The following CSGALNACT1 variants were observed in gnomAD, a reference collection of about 807,000 sequenced individuals.
The protein encoded by CSGALNACT1 is beta4GalNAcT-1.
CSGALNACT1 carries 52 observed loss-of-function variants against 51.0 expected under a neutral mutation model. The observed-to-expected ratio is 1.02, with a 90% CI of 0.82 to 1.29. The LOEUF is 1.29. CSGALNACT1 is among the 50% of genes most tolerant of loss of function. The pLI, the probability that CSGALNACT1 is intolerant of heterozygous loss-of-function variation, is 0.00. For synonymous variants in CSGALNACT1, 341 were observed against 254.4 expected (o/e 1.34, Z -3.24); for missense variants, 935 against 679.2 (o/e 1.38, Z -4.19).
intron 3 of CSGALNACT1, among the ~76,000 whole-genome samples, chr8:19,566,674 T>C (rs76085313): frequency 0.034 from 5,171 of 152,300 alleles, 138 homozygotes; most frequent in Admixed American, 0.05. Context: ...AACAAGGTGC[T>C]CCATTCTTGT....
At chr8:19,630,150 A>G (rs1190996588) in intron 1 of CSGALNACT1, among the ~76,000 whole-genome samples, 1 of 151,560 alleles carries the variant, frequency 6.6e-6, no homozygotes, top group Non-Finnish European at 1.5e-5. Flanking sequence ...GGGTAGCCAC[A>G]GTTAGGTTGC....
intron 6 of CSGALNACT1, among the ~76,000 whole-genome samples, chr8:19,439,123 C>T (rs2060882288): frequency 1.3e-5 from 2 of 152,352 alleles, no homozygotes; most frequent in South Asian, 2.1e-4. Flanking sequence ...TTCTGGCTTA[C>T]ATACTGGTAG....
At chr8:19,484,975 GA>G (rs1563666861) in intron 4 of CSGALNACT1, among the ~76,000 whole-genome samples, 3 of 152,034 alleles carry the variant, frequency 2.0e-5, no homozygotes, top group African/African-American at 7.2e-5. Flanking sequence ...AGAGCCCTCC[GA>G]AAAAACCAGA....
intron 3 of CSGALNACT1, among the ~76,000 whole-genome samples, chr8:19,577,376 A>T (rs1249887676): frequency 1.3e-5 from 2 of 148,836 alleles, no homozygotes; most frequent in African/African-American, 5.1e-5. Context: ...CAGCACCTAG[A>T]CAACGAAGCC....
At chr8:19,644,318 A>T (rs775210034) in intron 1 of CSGALNACT1, among the ~76,000 whole-genome samples, 7 of 151,998 alleles carry the variant, frequency 4.6e-5, no homozygotes, top group South Asian at 2.1e-4. Context: ...TACATTTTCC[A>T]TAATTAGTAT....
chr8:19,666,515 G>A (rs2059184065), intron 1 of CSGALNACT1, among the ~76,000 whole-genome samples: 1 of 151,702 alleles, frequency 6.6e-6, no homozygotes, highest in East Asian at 1.9e-4. Context: ...CCATCATGAT[G>A]AAACCCTGTC....
At chr8:19,542,982 C>G (rs1265689560) in intron 3 of CSGALNACT1, among the ~76,000 whole-genome samples, 2 of 152,060 alleles carry the variant, frequency 1.3e-5, no homozygotes, top group Non-Finnish European at 2.9e-5. Context: ...AGAGCATGGT[C>G]TAGACTAAGC....
chr8:19,548,522 A>G (rs1288454086), intron 3 of CSGALNACT1, among the ~76,000 whole-genome samples: 2 of 152,212 alleles, frequency 1.3e-5, no homozygotes, highest in African/African-American at 2.4e-5. Context: ...TTACTTTTCA[A>G]TATATTCCAA....
At chr8:19,556,596 T>C (rs572492222) in intron 3 of CSGALNACT1, among the ~76,000 whole-genome samples, 31 of 152,152 alleles carry the variant, frequency 2.0e-4, no homozygotes, top group Non-Finnish European at 4.0e-4. Flanking sequence ...GTCAATTTAA[T>C]GAGTTGGCAC....
At chr8:19,681,566 G>A (rs138008734) in intron 1 of CSGALNACT1, among the ~76,000 whole-genome samples, 1,996 of 152,260 alleles carry the variant, frequency 0.013, 26 homozygotes, top group Non-Finnish European at 0.022. Context: ...ATCTGCAGGC[G>A]ACATACTGCC....
chr8:19,405,414 A>G, exon 10 of CSGALNACT1: 1 of 468,214 alleles, frequency 2.1e-6, no homozygotes, highest in South Asian at 1.5e-5. Context: ...CTTGCCTTTC[A>G]TGCTAATGAA....
chr8:19,637,841 T>TG (rs1045363710), intron 1 of CSGALNACT1, among the ~76,000 whole-genome samples: 1 of 149,622 alleles, frequency 6.7e-6, no homozygotes, highest in Non-Finnish European at 1.5e-5. Flanking sequence ...CCTGACCAGT[T>TG]TTTTTTTTTT....
chr8:19,734,229 A>G (rs1448168573), intron 1 of CSGALNACT1, among the ~76,000 whole-genome samples: 1 of 152,218 alleles, frequency 6.6e-6, no homozygotes, highest in Non-Finnish European at 1.5e-5. Flanking sequence ...CAAGTGTTAA[A>G]CTGGATGAAG....
rs1564383282 is a variant in CSGALNACT1, at chr8:19,666,813, G to GAAAGAA, written c.-544+15659_-544+15660insTTCTTT. On this transcript the variant is annotated intron_variant, in intron 1 of 9. Transcript: ENST00000332246. ...AAAGAAAGAAAGAAAGAAAGAAAGA[G>GAAAGAA]AGAGAGAGAGAGAGAGAGAGAAAGA... is the stretch of plus-strand genomic sequence containing the variant. 7.4e-3 allele frequency among the ~76,000 whole-genome samples: 177 copies of GAAAGAA among 23,932 alleles called. 6 individuals are homozygous for GAAAGAA. The highest frequency in any genetic ancestry group is 0.014 in the Admixed American group (25 of 1,828). The allele number at this position is 23,932 out of a possible 152,430, so 15.7% of individuals were successfully genotyped here.
At chr8:19,618,650 AAAAAAAGAAAGAAAG>A (rs2053394851) in intron 1 of CSGALNACT1, among the ~76,000 whole-genome samples, 1 of 114,366 alleles carries the variant, frequency 8.7e-6, no homozygotes, top group Non-Finnish European at 1.7e-5. Context: ...AAAAAAAAAA[AAAAAAAGAAAGAAAG>A]AAAGAAAGAA....
At position 19,621,054 on chromosome 8, in the gene CSGALNACT1, C is replaced by T. The variant is rs556958673; in HGVS notation, c.-543-19189G>A. Among the ~76,000 whole-genome samples the T allele has an allele frequency of 2.7e-4, 41 of 152,264 alleles. No individual in the cohort carries two copies. The South Asian group carries it at 8.3e-3, about 31-fold the overall frequency. On this transcript the variant is annotated intron_variant, in intron 1 of 9. Coordinates refer to the CSGALNACT1 transcript ENST00000332246. The stretch of plus-strand genomic sequence containing the variant: ...CATTTTTACGAAAATGAAAAATGAA[C>T]AACTAGTCTGAGTTCTTTATCAGGA...
chr8:19,466,403 G>A (rs563288297), intron 4 of CSGALNACT1, among the ~76,000 whole-genome samples: 15 of 152,212 alleles, frequency 9.9e-5, no homozygotes, highest in African/African-American at 2.4e-4. Flanking sequence ...AGACATCCCC[G>A]CAATAGCACA....
At chr8:19,737,824 T>G (rs917843363) in intron 1 of CSGALNACT1, among the ~76,000 whole-genome samples, 6 of 152,158 alleles carry the variant, frequency 3.9e-5, no homozygotes, top group Admixed American at 1.3e-4. Context: ...TGATTCTACT[T>G]ATATGAGGTA....
chr8:19,543,390 C>A (rs1189694277), intron 3 of CSGALNACT1, among the ~76,000 whole-genome samples: 2 of 152,112 alleles, frequency 1.3e-5, no homozygotes, highest in South Asian at 2.1e-4. Flanking sequence ...TGTCTGGGAA[C>A]GGGGCTTGTA....
Sources: gnomAD v4.1 joint callset for allele counts (sites outside exome capture counted in the v4.1 genomes callset) on GRCh38, gnomAD v4.1.1 for gene constraint, MANE v1.5 for transcripts, NCBI Gene and HGNC (gene_info 2026-07-23, HGNC 2026-07-21) for gene names.